The following TLK1 variants were observed in gnomAD, a reference collection of about 807,000 sequenced individuals.
TLK1 encodes the protein tousled like kinase 1.
In TLK1, 24 loss-of-function variants were observed where a neutral mutation model predicts 105.3. That is an observed-to-expected ratio of 0.23 (90% CI 0.17 to 0.32). The LOEUF (loss-of-function observed/expected upper bound fraction) is 0.32, where lower values mean the gene tolerates loss of function less well. Ranked by LOEUF, TLK1 falls within the 10% of genes least tolerant of loss-of-function variation. The probability of loss-of-function intolerance (pLI) is 1.00; values close to 1 mark genes in which losing one functional copy is unlikely to be tolerated. For synonymous variants in TLK1, 321 were observed against 310.4 expected (o/e 1.03, Z -0.36); for missense variants, 558 against 910.5 (o/e 0.61, Z 4.98).
intron 1 of TLK1, among the ~76,000 whole-genome samples, chr2:171,230,320 A>C (rs953475206): frequency 5.3e-5 from 8 of 152,236 alleles, no homozygotes; most frequent in Non-Finnish European, 1.2e-4. Flanking sequence ...ATGTAGCTCC[A>C]GATACTGCCC....
intron 1 of TLK1, among the ~76,000 whole-genome samples, chr2:171,218,044 G>A (rs1476960658): frequency 6.6e-6 from 1 of 152,148 alleles, no homozygotes; most frequent in Non-Finnish European, 1.5e-5. Context: ...ACAAGGTCAG[G>A]AGATCAAGAC....
At chr2:171,187,090 G>GAA (rs1693044353) in intron 1 of TLK1, among the ~76,000 whole-genome samples, 1 of 106,526 alleles carries the variant, frequency 9.4e-6, no homozygotes, top group Non-Finnish European at 1.9e-5. Flanking sequence ...AAAAGAAAAA[G>GAA]AAAAAGAAAA....
chr2:171,022,862 G>C (rs1452003239), intron 12 of TLK1: 1 of 258,630 alleles, frequency 3.9e-6, no homozygotes, highest in Non-Finnish European at 7.8e-6. Flanking sequence ...ATATTTGGGG[G>C]TCAATTCACC....
chr2:171,171,429 G>A (rs1405084256), intron 1 of TLK1, among the ~76,000 whole-genome samples: 3 of 151,264 alleles, frequency 2.0e-5, no homozygotes, highest in Admixed American at 6.6e-5. Flanking sequence ...AGCTACTGAG[G>A]AGGCAGAGGC....
chr2:171,135,915 GA>G (rs1452582305), intron 1 of TLK1, among the ~76,000 whole-genome samples: 5 of 152,204 alleles, frequency 3.3e-5, no homozygotes, highest in African/African-American at 1.2e-4. Flanking sequence ...TGTTGTCAAG[GA>G]TTGTGGAAAA....
intron 2 of TLK1, among the ~76,000 whole-genome samples, chr2:171,089,867 T>C (rs1185366206): frequency 6.6e-6 from 1 of 152,106 alleles, no homozygotes; most frequent in Non-Finnish European, 1.5e-5. Flanking sequence ...CACAAAATAT[T>C]CTTGATATCT....
chr2:171,122,284 G>A (rs966249744), intron 1 of TLK1, among the ~76,000 whole-genome samples: 2 of 152,058 alleles, frequency 1.3e-5, no homozygotes, highest in African/African-American at 4.8e-5. Flanking sequence ...ATTTTAAAGA[G>A]GCAATATACT....
chr2:171,210,145 G>A (rs1263261312), intron 1 of TLK1, among the ~76,000 whole-genome samples: 1 of 152,160 alleles, frequency 6.6e-6, no homozygotes, highest in Non-Finnish European at 1.5e-5. Context: ...ACCATGATCA[G>A]CCAAGCAACT....
intron 1 of TLK1, among the ~76,000 whole-genome samples, chr2:171,129,639 G>A (rs770251366): frequency 6.6e-6 from 1 of 151,954 alleles, no homozygotes; most frequent in Non-Finnish European, 1.5e-5. Flanking sequence ...AGGAGTTCGA[G>A]ACCAGCCTGG....
upstream of TLK1, among the ~76,000 whole-genome samples, chr2:171,165,707 TC>T (rs1309552328): frequency 6.6e-6 from 1 of 152,096 alleles, no homozygotes; most frequent in Non-Finnish European, 1.5e-5. Flanking sequence ...GGTCAGGAGT[TC>T]GAGACCAGCC....
At chr2:171,096,234 T>G (rs956190065) in intron 2 of TLK1, among the ~76,000 whole-genome samples, 7 of 151,772 alleles carry the variant, frequency 4.6e-5, no homozygotes, top group Non-Finnish European at 1.0e-4. Context: ...GCATGGTGGC[T>G]CATGCCTGTA....
intron 1 of TLK1, among the ~76,000 whole-genome samples, chr2:171,136,445 T>TAGCC (rs1176145996): frequency 6.6e-6 from 1 of 152,056 alleles, no homozygotes; most frequent in South Asian, 2.1e-4. Flanking sequence ...GGCTAAGAGG[T>TAGCC]AGCCAGGCAG....
At chr2:171,149,170 T>C (rs188577731) in intron 1 of TLK1, among the ~76,000 whole-genome samples, 3 of 147,642 alleles carry the variant, frequency 2.0e-5, no homozygotes, top group African/African-American at 7.5e-5. Flanking sequence ...ATTGTATTTC[T>C]CTCTAGCCTG....
intron 12 of TLK1, chr2:171,023,147 A>G (rs1039794484): frequency 1.1e-5 from 5 of 470,994 alleles, no homozygotes; most frequent in Non-Finnish European, 2.2e-5. Flanking sequence ...ACGGAGGCAC[A>G]AGGAGAGATG....
At chr2:171,132,209 G>C (rs757675068) in intron 1 of TLK1, among the ~76,000 whole-genome samples, 4 of 152,170 alleles carry the variant, frequency 2.6e-5, no homozygotes, top group Non-Finnish European at 4.4e-5. Flanking sequence ...GCAGAAGAAT[G>C]AGTGCAAGCA....
chr2:171,108,602 T>C (rs1690034554), intron 2 of TLK1, among the ~76,000 whole-genome samples: 1 of 151,832 alleles, frequency 6.6e-6, no homozygotes, highest in African/African-American at 2.4e-5. Flanking sequence ...GAAATGCATT[T>C]AATTTTTTTT....
At chr2:171,173,643 C>T (rs779023411) in intron 1 of TLK1, among the ~76,000 whole-genome samples, 4 of 152,200 alleles carry the variant, frequency 2.6e-5, no homozygotes, top group South Asian at 2.1e-4. Flanking sequence ...CCTCCCCGCT[C>T]GGCTTCCCAA....
At chr2:171,093,110 G>A (rs1363228401) in intron 2 of TLK1, among the ~76,000 whole-genome samples, 1 of 152,114 alleles carries the variant, frequency 6.6e-6, no homozygotes, top group East Asian at 1.9e-4. Flanking sequence ...TCTGAATCAG[G>A]ATACACTGTT....
chr2:171,161,149 G>A (rs951883821), upstream of TLK1, among the ~76,000 whole-genome samples: 1 of 147,526 alleles, frequency 6.8e-6, no homozygotes, highest in Non-Finnish European at 1.5e-5. Flanking sequence ...GGGGTTGCCG[G>A]ACTCGCGTGC....
Sources: allele counts gnomAD v4.1 joint callset (sites outside exome capture counted in the v4.1 genomes callset), GRCh38; gene constraint gnomAD v4.1.1; transcripts MANE v1.5; gene names NCBI Gene and HGNC (gene_info 2026-07-23, HGNC 2026-07-21).